IGFBP7: variants seen among roughly 807,000 people sequenced by gnomAD.
IGFBP7 encodes the protein insulin-like growth factor-binding protein 7.
IGFBP7 carries 31 observed loss-of-function variants against 29.4 expected under a neutral mutation model. The observed-to-expected ratio is 1.05, with a 90% CI of 0.79 to 1.42. The LOEUF (loss-of-function observed/expected upper bound fraction) is 1.42, where lower values mean the gene tolerates loss of function less well. Ranked by LOEUF, IGFBP7 falls within the 40% of genes most tolerant of loss-of-function variation. IGFBP7 has a pLI of 0.00. For missense variants in IGFBP7, 393 were observed against 395.5 expected, an observed-to-expected ratio of 0.99 and a Z score of 0.05; for synonymous variants, 172 against 174.9, an observed-to-expected ratio of 0.98 and a Z score of 0.13.
chr4:57,065,217 G>A (rs1012806702), intron 1 of IGFBP7, among the ~76,000 whole-genome samples: 11 of 152,302 alleles, frequency 7.2e-5, no homozygotes, highest in African/African-American at 2.6e-4. Context: ...CACAAGCTAT[G>A]GCTAAGACAG....
At chr4:57,072,772 C>T in intron 1 of IGFBP7, 2 of 523,632 alleles carry the variant, frequency 3.8e-6, no homozygotes, top group Non-Finnish European at 3.8e-6. Flanking sequence ...GCAACCTTTT[C>T]AAATGGGTGG....
Position 57,033,291 on chromosome 4 carries a change from T to C in IGFBP7, c.606A>G (p.Gly202=). The C allele has an allele frequency of 6.2e-7, 1 of 1,613,610 alleles. No individual in the cohort carries two copies. The highest frequency in any genetic ancestry group is 1.1e-5 in the South Asian group (1 of 91,076). Residue 202 remains glycine, a synonymous_variant, in exon 3 of 5, where the codon GGA becomes GGG. Coordinates refer to ENST00000295666, the MANE Select transcript of IGFBP7 (RefSeq NM_001553.3). ...CAGGCAGGAGTTCTGTCCTTTGAAC[T>C]CCATAGTGACCCCTTTTTACCTGCA... The part of the protein sequence containing the change: ...IWNKVKRGHY[G]VQRTELLPGD...
Position 57,031,341 on chromosome 4 carries a change from TTA to T in IGFBP7, c.830-7_830-6del. On this transcript the variant is annotated splice_region_variant and splice_polypyrimidine_tract_variant and intron_variant, in intron 4 of 4. Coordinates refer to ENST00000295666, the MANE Select transcript of IGFBP7 (RefSeq NM_001553.3). ...TTTATAGCTCGGCACCTTCACCTGT[TTA>T]AAAAAAAAAAAAGATAAAAATTAGT... is the stretch of plus-strand genomic sequence containing the variant. The T allele has an allele frequency of 1.2e-6, 2 of 1,600,522 alleles. No homozygotes were observed. Among genetic ancestry groups the T allele is most frequent in the Non-Finnish European group, 1.7e-6 (2 of 1,173,524 alleles).
chr4:57,045,935 A>T (rs1724347123), intron 1 of IGFBP7, among the ~76,000 whole-genome samples: 1 of 152,136 alleles, frequency 6.6e-6, no homozygotes, highest in Non-Finnish European at 1.5e-5. Context: ...CATGTTGGCC[A>T]GGCTGGTCTT....
chr4:57,094,046 G>C (rs200783518), intron 1 of IGFBP7, among the ~76,000 whole-genome samples: 2 of 152,044 alleles, frequency 1.3e-5, no homozygotes, highest in African/African-American at 4.8e-5. Context: ...TTATTGGCTT[G>C]GCTTACACAG....
Position 57,110,130 on chromosome 4 carries a change from G to A in IGFBP7, c.222C>T (p.Gly74=), listed in dbSNP as rs971802450. 4.0e-6 allele frequency: 6 copies of A among 1,507,000 alleles called. No individual in the cohort carries two copies. In the Admixed American group the frequency reaches 1.2e-4, roughly 31 times the overall value. The allele number at this position is 1,507,000 out of a possible 1,614,324, so 93.4% of individuals were successfully genotyped here. A position where few individuals can be genotyped will look rare whatever the true frequency, so the allele number is the denominator to read the frequency against. The change falls in exon 1 of 5, where the codon GGC becomes GGT. Residue 74 remains glycine, a synonymous_variant. Transcript: ENST00000295666. ...ARGEGEPCGG[G]GAGRGYCAPG... is the part of the protein sequence containing the mutation. ...GCGCGCAGTACCCCCTGCCGGCGCCGCCACCCCCGCACGGCTCGCCCTCGC... is the reference window on the plus strand; with the variant it reads ...GCGCGCAGTACCCCCTGCCGGCGCCACCACCCCCGCACGGCTCGCCCTCGC...
At chr4:57,073,039 C>T (rs1232168426) in intron 1 of IGFBP7, 58 of 1,273,778 alleles carry the variant, frequency 4.6e-5, no homozygotes, top group Non-Finnish European at 6.4e-5. Flanking sequence ...GCTCGTTGAA[C>T]AGGCATGCTG....
chr4:57,035,307 C>G (rs564353653), intron 2 of IGFBP7, among the ~76,000 whole-genome samples: 1 of 152,110 alleles, frequency 6.6e-6, no homozygotes, highest in South Asian at 2.1e-4. Context: ...GTTGGCATGG[C>G]GTATTTTAAT....
chr4:57,049,340 T>C (rs1419189855), intron 1 of IGFBP7, among the ~76,000 whole-genome samples: 1 of 152,190 alleles, frequency 6.6e-6, no homozygotes, highest in African/African-American at 2.4e-5. Flanking sequence ...GTACTATATA[T>C]TTTTTGCTTC....
intron 1 of IGFBP7, among the ~76,000 whole-genome samples, chr4:57,095,378 G>T (rs562706365): frequency 3.3e-5 from 5 of 152,150 alleles, no homozygotes; most frequent in Non-Finnish European, 7.3e-5. Context: ...TGACTTACTA[G>T]AACAAAACTT....
intron 2 of IGFBP7, among the ~76,000 whole-genome samples, chr4:57,036,135 C>T (rs1039175796): frequency 1.3e-5 from 2 of 152,140 alleles, no homozygotes; most frequent in East Asian, 1.9e-4. Flanking sequence ...CAGACTTGGA[C>T]GGATGTCCAT....
intron 1 of IGFBP7, among the ~76,000 whole-genome samples, chr4:57,092,202 G>A (rs1295808698): frequency 1.3e-5 from 2 of 152,056 alleles, no homozygotes; most frequent in African/African-American, 2.4e-5. Flanking sequence ...GTAAGAATGC[G>A]GATGCTTTTT....
chr4:57,066,008 C>T (rs4596307), intron 1 of IGFBP7, among the ~76,000 whole-genome samples: 7,487 of 152,244 alleles, frequency 0.049, 263 homozygotes, highest in Non-Finnish European at 0.075. Context: ...GCTCAGACTC[C>T]ATACACTCTT....
intron 1 of IGFBP7, among the ~76,000 whole-genome samples, chr4:57,052,169 A>G (rs1472522427): frequency 2.0e-5 from 3 of 152,148 alleles, no homozygotes; most frequent in Non-Finnish European, 4.4e-5. Context: ...CGCAGCAATG[A>G]GAAGACAGAG....
At chr4:57,034,868 G>A (rs1432943469) in intron 2 of IGFBP7, among the ~76,000 whole-genome samples, 1 of 152,136 alleles carries the variant, frequency 6.6e-6, no homozygotes, top group Non-Finnish European at 1.5e-5. Flanking sequence ...GTAACTTAAT[G>A]TCTTTCTCAT....
At chr4:57,102,085 G>C (rs1434434863) in intron 1 of IGFBP7, among the ~76,000 whole-genome samples, 1 of 152,158 alleles carries the variant, frequency 6.6e-6, no homozygotes, top group Non-Finnish European at 1.5e-5. Context: ...ACACAGATGA[G>C]GTCAGATTGT....
chr4:57,031,296 G>A lies in IGFBP7; in HGVS notation c.*21C>T. 1.3e-6 allele frequency: 2 copies of A among 1,594,430 alleles called. No homozygotes were observed. The highest frequency in any genetic ancestry group is 1.7e-6 in the Non-Finnish European group (2 of 1,165,088). On this transcript the variant is annotated 3_prime_UTR_variant, in exon 5 of 5. Coordinates refer to ENST00000295666, the MANE Select transcript of IGFBP7 (RefSeq NM_001553.3). ...ATCCATGACTACTTTTAACCATGCA[G>A]ACTAATAATATTCTGGAGGTTTATA... is the stretch of plus-strand genomic sequence containing the variant.
At chr4:57,035,991 G>A (rs186265838) in intron 2 of IGFBP7, among the ~76,000 whole-genome samples, 2 of 152,186 alleles carry the variant, frequency 1.3e-5, no homozygotes, top group Admixed American at 1.3e-4. Context: ...TCACTAGTAT[G>A]TATGATATGT....
At chr4:57,058,279 C>T (rs2109762770) in intron 1 of IGFBP7, among the ~76,000 whole-genome samples, 1 of 152,192 alleles carries the variant, frequency 6.6e-6, no homozygotes, top group African/African-American at 2.4e-5. Context: ...TCAGGCTGGA[C>T]AGAAGTTCAA....
Sources: gnomAD v4.1 joint callset for allele counts (sites outside exome capture counted in the v4.1 genomes callset) on GRCh38, gnomAD v4.1.1 for gene constraint, MANE v1.5 for transcripts, NCBI Gene and HGNC (gene_info 2026-07-23, HGNC 2026-07-21) for gene names.